The following SLAIN2 variants were observed in gnomAD, a reference collection of about 807,000 sequenced individuals.
The protein encoded by SLAIN2 is SLAIN family member 2, also known as SLAIN motif-containing protein 2.
SLAIN2 carries 31 observed loss-of-function variants against 56.6 expected under a neutral mutation model. The observed-to-expected ratio is 0.55, with a 90% CI of 0.41 to 0.74. The LOEUF (loss-of-function observed/expected upper bound fraction) is 0.74. Among genes scored for constraint, SLAIN2 ranks in the 30% least tolerant of loss-of-function variants. The pLI, the probability that SLAIN2 is intolerant of heterozygous loss-of-function variation, is 0.00. For synonymous variants in SLAIN2, 317 were observed against 284.9 expected, an observed-to-expected ratio of 1.11 and a Z score of -1.13; for missense variants, 777 against 754.2, an observed-to-expected ratio of 1.03 and a Z score of -0.35.
chr4:48,375,070 A>G (rs944864589), intron 2 of SLAIN2, among the ~76,000 whole-genome samples: 1 of 152,210 alleles, frequency 6.6e-6, no homozygotes, highest in African/African-American at 2.4e-5. Context: ...TATAGATAAT[A>G]ATTGATGTAT....
intron 1 of SLAIN2, among the ~76,000 whole-genome samples, chr4:48,359,920 C>T (rs1206124199): frequency 6.6e-6 from 1 of 152,208 alleles, no homozygotes; most frequent in East Asian, 1.9e-4. Flanking sequence ...CTTTGAGAGG[C>T]TGAGGTGGGT....
chr4:48,353,484 T>C (rs1321932932), intron 1 of SLAIN2, among the ~76,000 whole-genome samples: 2 of 151,990 alleles, frequency 1.3e-5, no homozygotes, highest in Non-Finnish European at 2.9e-5. Context: ...AAAGGAAACT[T>C]TTTTTTTCCT....
intron 1 of SLAIN2, among the ~76,000 whole-genome samples, chr4:48,353,210 T>C (rs1407669568): frequency 6.6e-6 from 1 of 152,180 alleles, no homozygotes; most frequent in Non-Finnish European, 1.5e-5. Flanking sequence ...GATTGGGCAC[T>C]ACTTGAGAGT....
intron 2 of SLAIN2, among the ~76,000 whole-genome samples, chr4:48,374,036 C>T (rs1268747356): frequency 6.6e-6 from 1 of 151,882 alleles, no homozygotes; most frequent in Non-Finnish European, 1.5e-5. Flanking sequence ...GAAACTCCAT[C>T]TCAGAAAAAG....
chr4:48,413,995 C>G (rs1393790575), intron 6 of SLAIN2, among the ~76,000 whole-genome samples: 1 of 152,056 alleles, frequency 6.6e-6, no homozygotes, highest in Non-Finnish European at 1.5e-5. Flanking sequence ...AAACTTAGCA[C>G]AATTATTAAA....
chr4:48,420,094 C>CAGAAAAACCACTCAG (rs745864347), intron 6 of SLAIN2, 31 bp from the exon 7 acceptor site: 1 of 1,606,306 alleles, frequency 6.2e-7, no homozygotes. Context: ...GATTTCCACT[C>CAGAAAAACCACTCAG]AAAAATTGGT....
intron 7 of SLAIN2, 166 bp downstream of exon 7, chr4:48,420,609 A>G: frequency 1.2e-6 from 1 of 832,092 alleles, no homozygotes; most frequent in Non-Finnish European, 1.8e-6. Flanking sequence ...GTTTTTAAGA[A>G]ATCCTCATTT....
intron 1 of SLAIN2, among the ~76,000 whole-genome samples, chr4:48,368,734 T>A (rs1028288162): frequency 2.0e-5 from 3 of 152,194 alleles, no homozygotes; most frequent in Non-Finnish European, 4.4e-5. Context: ...TATTTCACTA[T>A]TTTTGTCCAA....
intron 6 of SLAIN2, among the ~76,000 whole-genome samples, chr4:48,394,365 A>C (rs2109771880): frequency 6.6e-6 from 1 of 152,262 alleles, no homozygotes; most frequent in South Asian, 2.1e-4. Flanking sequence ...TCTTTTTTAA[A>C]GTTTATGTTC....
At chr4:48,385,846 A>G (rs779538739) in intron 6 of SLAIN2, among the ~76,000 whole-genome samples, 2 of 151,712 alleles carry the variant, frequency 1.3e-5, no homozygotes, top group Admixed American at 6.6e-5. Flanking sequence ...CATATACTTC[A>G]TGTTAAGCTG....
At chr4:48,410,104 A>C (rs531856963) in intron 6 of SLAIN2, among the ~76,000 whole-genome samples, 1 of 152,270 alleles carries the variant, frequency 6.6e-6, no homozygotes, top group East Asian at 1.9e-4. Context: ...CCATCTCCTC[A>C]GTAACACTTG....
intron 2 of SLAIN2, among the ~76,000 whole-genome samples, chr4:48,376,370 G>A (rs553327510): frequency 1.3e-5 from 2 of 149,632 alleles, no homozygotes; most frequent in South Asian, 2.1e-4. Context: ...CACAAGAATC[G>A]TTTGAGCCCA....
In SLAIN2 at chr4:48,382,787, C is replaced by T. The variant is rs1716001947; in HGVS notation, c.1082C>T (p.Ser361Leu). 6.2e-7 allele frequency: 1 copy of T among 1,613,724 alleles called. No individual in the cohort carries two copies. Residue 361 changes from serine to leucine, a missense_variant, in exon 5 of 8, where the codon TCA becomes TTA. Transcript: ENST00000264313. ...RPSPKQSPRN[S>L]PRSRSPARGI... ...TCACCTAAGCAGTCACCCAGAAATT[C>T]ACCTCGTTCACGATCTCCTGCTCGG...
chr4:48,394,697 C>G (rs2109772132), intron 6 of SLAIN2: 2 of 1,486,386 alleles, frequency 1.3e-6, no homozygotes, highest in Non-Finnish European at 1.8e-6. Flanking sequence ...AGCAAATGAT[C>G]TAGTTAAATC....
In SLAIN2 at chr4:48,363,485, C is replaced by T. The variant is rs1715393058; in HGVS notation, c.390-6364C>T. Among the ~76,000 whole-genome samples, 2 of 61,926 alleles carry T rather than the reference C, an allele frequency of 3.2e-5. 1 individual carries two copies. Among genetic ancestry groups the T allele is most frequent in the Non-Finnish European group, 7.8e-5 (2 of 25,540 alleles). 40.6% of individuals were successfully genotyped at this position (61,926 alleles called of 152,430 possible). A position where few individuals can be genotyped will look rare whatever the true frequency, so the allele number is the denominator to read the frequency against. ...CTCCCGGACGGGGCGGCTGGCCGGA[C>T]AGAGGGGCTCCTCACTTCCCAGTAG... On this transcript the variant is annotated intron_variant, in intron 1 of 7. Coordinates refer to ENST00000264313, the MANE Select transcript of SLAIN2 (RefSeq NM_020846.2).
intron 2 of SLAIN2, among the ~76,000 whole-genome samples, chr4:48,377,394 G>T (rs1380655264): frequency 1.4e-5 from 2 of 147,896 alleles, no homozygotes; most frequent in African/African-American, 5.0e-5. Context: ...GGCCAAGCTG[G>T]TCTCGAACTC....
chr4:48,390,669 A>G (rs1311933034), intron 6 of SLAIN2, among the ~76,000 whole-genome samples: 3 of 152,230 alleles, frequency 2.0e-5, no homozygotes, highest in Admixed American at 6.5e-5. Flanking sequence ...CAATGGGTTA[A>G]TAATTTGAAG....
Position 48,341,563 on chromosome 4 carries a change from T to G in SLAIN2, c.-177T>G. ...GCCGGCGCAGATGAGGCAGTTCGGC[T>G]GGGGCCAGCGGCGCTTTGGAACCCG... On this transcript the variant is annotated 5_prime_UTR_variant, in exon 1 of 8. Coordinates refer to ENST00000264313, the MANE Select transcript of SLAIN2 (RefSeq NM_020846.2). The G allele has an allele frequency of 5.1e-6, 5 of 979,818 alleles. No homozygotes were observed. The highest frequency in any genetic ancestry group is 1.7e-5 in the African/African-American group (1 of 58,080). 60.7% of individuals were successfully genotyped at this position (979,818 alleles called of 1,614,324 possible).
chr4:48,375,996 A>ATAG (rs1715800222), intron 2 of SLAIN2, among the ~76,000 whole-genome samples: 1 of 152,140 alleles, frequency 6.6e-6, no homozygotes, highest in Non-Finnish European at 1.5e-5. Flanking sequence ...CACCTTTATG[A>ATAG]TAGTACTCAT....
Sources: gnomAD v4.1 joint callset for allele counts (sites outside exome capture counted in the v4.1 genomes callset) on GRCh38, gnomAD v4.1.1 for gene constraint, MANE v1.5 for transcripts, NCBI Gene and HGNC (gene_info 2026-07-23, HGNC 2026-07-21) for gene names.